Variants in SVOP observed in about 807,000 individuals in gnomAD.
SVOP encodes the protein synaptic vesicle 2-related protein.
SVOP carries 17 observed loss-of-function variants against 69.1 expected under a neutral mutation model. The ratio of observed to expected loss-of-function variants is 0.25; its 90% confidence interval spans 0.17 to 0.37. The LOEUF (loss-of-function observed/expected upper bound fraction) is 0.37, where lower values mean the gene tolerates loss of function less well. SVOP is among the 10% of genes least tolerant of loss of function. SVOP has a pLI of 1.00. For synonymous variants in SVOP, 238 were observed against 238.6 expected, an observed-to-expected ratio of 1.00 and a Z score of 0.02; for missense variants, 435 against 597.5, an observed-to-expected ratio of 0.73 and a Z score of 2.84.
chr12:108,998,339 T>C (rs926531556), intron 1 of SVOP, among the ~76,000 whole-genome samples: 1 of 152,010 alleles, frequency 6.6e-6, no homozygotes, highest in African/African-American at 2.4e-5. Context: ...GTCTGATTGG[T>C]ATACCTGAAA....
intron 1 of SVOP, among the ~76,000 whole-genome samples, chr12:108,992,610 C>A (rs1195050636): frequency 6.6e-6 from 1 of 152,116 alleles, no homozygotes; most frequent in Non-Finnish European, 1.5e-5. Flanking sequence ...TACAGATGAA[C>A]CTCAAAAATA....
At chr12:108,977,720 G>T (rs1278289098) in intron 3 of SVOP, among the ~76,000 whole-genome samples, 1 of 152,118 alleles carries the variant, frequency 6.6e-6, no homozygotes, top group Non-Finnish European at 1.5e-5. Context: ...TTCGTGTGTG[G>T]TTTTTTTGTG....
At chr12:109,019,524 T>C (rs2040384952) in intron 1 of SVOP, among the ~76,000 whole-genome samples, 1 of 152,178 alleles carries the variant, frequency 6.6e-6, no homozygotes, top group Non-Finnish European at 1.5e-5. Flanking sequence ...GGGGTAATCA[T>C]TTTATTTTTG....
At chr12:108,948,753 T>G (rs1252739530) in intron 6 of SVOP, among the ~76,000 whole-genome samples, 1 of 152,162 alleles carries the variant, frequency 6.6e-6, no homozygotes, top group African/African-American at 2.4e-5. Context: ...CAAAAAGTTG[T>G]TCCAATTTAT....
At chr12:108,960,205 G>A (rs776466790) in intron 6 of SVOP, among the ~76,000 whole-genome samples, 17 of 152,116 alleles carry the variant, frequency 1.1e-4, no homozygotes, top group Non-Finnish European at 1.9e-4. Context: ...GCATGAAAAC[G>A]ACCATAGATA....
chr12:109,017,481 T>A (rs2135636253), intron 1 of SVOP, among the ~76,000 whole-genome samples: 1 of 152,274 alleles, frequency 6.6e-6, no homozygotes, highest in East Asian at 1.9e-4. Flanking sequence ...CACATGTAGC[T>A]ATTGAGTATT....
At chr12:108,926,370 T>C (rs770056530) in intron 11 of SVOP, 2 of 152,218 alleles carry the variant, frequency 1.3e-5, no homozygotes, top group Non-Finnish European at 2.9e-5. Context: ...CATGATTTTG[T>C]TCTTTTTTAT....
intron 1 of SVOP, among the ~76,000 whole-genome samples, chr12:108,998,150 A>T (rs541396395): frequency 6.6e-6 from 1 of 152,386 alleles, no homozygotes; most frequent in Non-Finnish European, 1.5e-5. Context: ...AGGCTCAAGA[A>T]CTAGGTGAAG....
chr12:108,971,505 C>G (rs1351659809), intron 5 of SVOP, among the ~76,000 whole-genome samples: 1 of 152,052 alleles, frequency 6.6e-6, no homozygotes, highest in Non-Finnish European at 1.5e-5. Context: ...TGACACTGAA[C>G]CTGGGTCCAC....
intron 6 of SVOP, among the ~76,000 whole-genome samples, chr12:108,950,157 G>A (rs1184345632): frequency 6.6e-6 from 1 of 151,950 alleles, no homozygotes; most frequent in South Asian, 2.1e-4. Flanking sequence ...TTGAGCTCCT[G>A]GGCTCAAAGA....
intron 1 of SVOP, among the ~76,000 whole-genome samples, chr12:109,011,905 A>G (rs2040343743): frequency 6.6e-6 from 1 of 152,180 alleles, no homozygotes; most frequent in African/African-American, 2.4e-5. Context: ...AAAAAGTCAA[A>G]CTCATAGAAG....
At chr12:109,015,394 C>T (rs937960974) in intron 1 of SVOP, among the ~76,000 whole-genome samples, 1 of 152,156 alleles carries the variant, frequency 6.6e-6, no homozygotes, top group Non-Finnish European at 1.5e-5. Flanking sequence ...AAAACCAGCA[C>T]AGACATCATT....
At chr12:108,992,586 G>A (rs2040208400) in intron 1 of SVOP, among the ~76,000 whole-genome samples, 1 of 152,118 alleles carries the variant, frequency 6.6e-6, no homozygotes, top group African/African-American at 2.4e-5. Flanking sequence ...TGAAACTACT[G>A]ACACATGCTA....
chr12:108,972,547 G>A, intron 4 of SVOP, 71 bp from the exon 5 acceptor site: 1 of 1,462,054 alleles, frequency 6.8e-7, no homozygotes. Context: ...ACAACAAACG[G>A]AAGTGGTGAC....
chr12:108,935,301 T>C (rs982623068), intron 10 of SVOP, among the ~76,000 whole-genome samples: 2 of 152,234 alleles, frequency 1.3e-5, no homozygotes, highest in African/African-American at 2.4e-5. Context: ...TCCAGTAGAA[T>C]AGTTATATGA....
intron 12 of SVOP, among the ~76,000 whole-genome samples, chr12:108,920,809 C>T (rs781102272): frequency 3.3e-5 from 5 of 152,038 alleles, no homozygotes; most frequent in African/African-American, 4.8e-5. Flanking sequence ...TTTGGCCAGG[C>T]TGCTCTCGAA....
At chr12:108,915,928 C>CAGCTCCTAT in intron 14 of SVOP, 56 bp from the exon 15 acceptor site, 1 of 1,479,246 alleles carries the variant, frequency 6.8e-7, no homozygotes, top group Non-Finnish European at 9.0e-7. Context: ...TCCCACCACT[C>CAGCTCCTAT]CAGCTCCAAG....
chr12:108,916,329 G>C (rs1390180957), intron 14 of SVOP, among the ~76,000 whole-genome samples: 1 of 152,210 alleles, frequency 6.6e-6, no homozygotes, highest in Non-Finnish European at 1.5e-5. Context: ...AAGGGATTGT[G>C]CATCTTCCAG....
At chr12:108,976,614 CT>C (rs36192710) in intron 4 of SVOP, among the ~76,000 whole-genome samples, 78,888 of 142,250 alleles carry the variant, frequency 0.55, 22,926 homozygotes, top group South Asian at 0.69. Flanking sequence ...CTCTCTCTCT[CT>C]TTTTTTTTTT....
Sources: allele counts gnomAD v4.1 joint callset (sites outside exome capture counted in the v4.1 genomes callset), GRCh38; gene constraint gnomAD v4.1.1; transcripts MANE v1.5; gene names NCBI Gene and HGNC (gene_info 2026-07-23, HGNC 2026-07-21).